Variants in CACNA2D3 observed in about 807,000 individuals in gnomAD.
CACNA2D3 encodes calcium voltage-gated channel auxiliary subunit alpha2delta 3, also known as voltage-dependent calcium channel subunit alpha-2/delta-3.
A neutral mutation model predicts 160.6 loss-of-function variants in CACNA2D3; 60 were observed. That is an observed-to-expected ratio of 0.37 (90% CI 0.30 to 0.46). The LOEUF is 0.46. Ranked by LOEUF, CACNA2D3 falls within the 20% of genes least tolerant of loss-of-function variation. CACNA2D3 has a pLI of 1.00. For missense variants in CACNA2D3, 1,205 were observed against 1,365.0 expected, an observed-to-expected ratio of 0.88 and a Z score of 1.85; for synonymous variants, 558 against 492.9, an observed-to-expected ratio of 1.13 and a Z score of -1.75.
intron 2 of CACNA2D3, among the ~76,000 whole-genome samples, chr3:54,278,932 A>G (rs1209239011): frequency 2.0e-5 from 3 of 152,156 alleles, no homozygotes; most frequent in Admixed American, 1.3e-4. Flanking sequence ...GTGTATACCT[A>G]TGTAACAAAC....
intron 35 of CACNA2D3, among the ~76,000 whole-genome samples, chr3:55,051,962 C>G (rs1704229968): frequency 6.6e-6 from 1 of 152,166 alleles, no homozygotes; most frequent in African/African-American, 2.4e-5. Context: ...CCCTGCTTCG[C>G]CTCGTGCACG....
chr3:54,914,582 C>T (rs1172400423), intron 27 of CACNA2D3, among the ~76,000 whole-genome samples: 4 of 152,008 alleles, frequency 2.6e-5, no homozygotes, highest in African/African-American at 9.7e-5. Context: ...GATTATATAT[C>T]AGTAAAAATA....
intron 4 of CACNA2D3, among the ~76,000 whole-genome samples, chr3:54,407,260 A>G (rs1242874068): frequency 6.6e-6 from 1 of 152,208 alleles, no homozygotes; most frequent in Non-Finnish European, 1.5e-5. Context: ...TCATAGAGAT[A>G]GGGAATTGGC....
intron 3 of CACNA2D3, among the ~76,000 whole-genome samples, chr3:54,354,414 A>AT (rs1375917517): frequency 1.3e-5 from 2 of 152,150 alleles, no homozygotes; most frequent in East Asian, 1.9e-4. Flanking sequence ...AGTATGAAGG[A>AT]TTTTTTTAAG....
At position 54,657,103 on chromosome 3, in the gene CACNA2D3, CAG is replaced by C. The variant is rs561899355; in HGVS notation, c.1167+14863_1167+14864del. Among the ~76,000 whole-genome samples, 6 of 148,416 alleles carry C rather than the reference CAG, an allele frequency of 4.0e-5. No individual in the cohort carries two copies. The Admixed American group carries it at 4.1e-4, about 10-fold the overall frequency. On this transcript the variant is annotated intron_variant, in intron 11 of 37. Coordinates refer to ENST00000474759, the MANE Select transcript of CACNA2D3 (RefSeq NM_018398.3). ...CAGGAGTGGGGGGTCACAGGGTACTCAGTGGGGGAGCTTTTGAGCCAGGATGA... is the reference window on the plus strand; with the variant it reads ...CAGGAGTGGGGGGTCACAGGGTACTCTGGGGGAGCTTTTGAGCCAGGATGA...
At chr3:54,318,704 T>G (rs1027242655) in intron 2 of CACNA2D3, among the ~76,000 whole-genome samples, 8 of 150,076 alleles carry the variant, frequency 5.3e-5, no homozygotes, top group Non-Finnish European at 8.9e-5. Context: ...TTTTTTTTTT[T>G]TTTTTTCTGA....
intron 4 of CACNA2D3, among the ~76,000 whole-genome samples, chr3:54,445,553 T>TACACACAC (rs1371255357): frequency 2.4e-4 from 8 of 32,986 alleles, no homozygotes; most frequent in East Asian, 2.0e-3. Flanking sequence ...TATTTCTATG[T>TACACACAC]ATACACACAC....
chr3:54,683,479 T>A (rs1244005698), intron 11 of CACNA2D3, among the ~76,000 whole-genome samples: 1 of 152,258 alleles, frequency 6.6e-6, no homozygotes, highest in South Asian at 2.1e-4. Flanking sequence ...TTGTTAGCCC[T>A]GTGACAGTGG....
chr3:54,735,651 A>G (rs1040263202), intron 11 of CACNA2D3, among the ~76,000 whole-genome samples: 5 of 152,042 alleles, frequency 3.3e-5, no homozygotes, highest in African/African-American at 1.2e-4. Context: ...TTCTACTCTT[A>G]AGCATCTGTA....
chr3:54,221,849 G>GA (rs886196801), intron 2 of CACNA2D3, among the ~76,000 whole-genome samples: 18 of 149,438 alleles, frequency 1.2e-4, no homozygotes, highest in Non-Finnish European at 2.4e-4. Context: ...TTTTTTTTCT[G>GA]AAAAAAAATA....
At chr3:54,863,918 G>T (rs1575517755) in intron 17 of CACNA2D3, among the ~76,000 whole-genome samples, 1 of 152,242 alleles carries the variant, frequency 6.6e-6, no homozygotes, top group East Asian at 1.9e-4. Flanking sequence ...CTTCCTGCTG[G>T]TTTTTGACAC....
chr3:55,002,999 C>T (rs1375714729), intron 31 of CACNA2D3, among the ~76,000 whole-genome samples: 1 of 152,188 alleles, frequency 6.6e-6, no homozygotes, highest in East Asian at 1.9e-4. Context: ...CCTTTTAAAA[C>T]TGAATGCCTT....
intron 4 of CACNA2D3, among the ~76,000 whole-genome samples, chr3:54,495,766 CAG>C (rs1701193401): frequency 6.6e-6 from 1 of 152,090 alleles, no homozygotes; most frequent in Admixed American, 6.5e-5. Flanking sequence ...AACAACCAAC[CAG>C]AGAGGGAAAT....
intron 11 of CACNA2D3, among the ~76,000 whole-genome samples, chr3:54,682,695 C>T (rs1026182972): frequency 6.6e-6 from 1 of 152,058 alleles, no homozygotes; most frequent in Non-Finnish European, 1.5e-5. Context: ...TTCAGAATGG[C>T]CTTTAAATAT....
intron 3 of CACNA2D3, among the ~76,000 whole-genome samples, chr3:54,346,132 T>G (rs953162886): frequency 6.6e-6 from 1 of 152,130 alleles, no homozygotes; most frequent in African/African-American, 2.4e-5. Context: ...AGTTGGGGTG[T>G]TGTTAGTTCA....
chr3:54,711,632 C>G (rs1176343834), intron 11 of CACNA2D3, among the ~76,000 whole-genome samples: 6 of 152,204 alleles, frequency 3.9e-5, no homozygotes, highest in African/African-American at 1.4e-4. Context: ...CCATGATTAA[C>G]ATAGACCAAT....
chr3:54,390,753 G>A (rs371415784), intron 4 of CACNA2D3, among the ~76,000 whole-genome samples: 7 of 152,274 alleles, frequency 4.6e-5, no homozygotes, highest in East Asian at 1.9e-4. Context: ...AACAGCTTGG[G>A]TGTCAGCCCC....
intron 4 of CACNA2D3, among the ~76,000 whole-genome samples, chr3:54,476,144 T>C (rs1700826939): frequency 6.7e-6 from 1 of 150,160 alleles, no homozygotes; most frequent in Non-Finnish European, 1.5e-5. Context: ...GTCCTCCTGG[T>C]TCGTCCGTGT....
At chr3:55,051,492 C>G (rs908776437) in intron 35 of CACNA2D3, among the ~76,000 whole-genome samples, 19 of 151,956 alleles carry the variant, frequency 1.3e-4, no homozygotes, top group African/African-American at 4.6e-4. Context: ...GCTGGGAGAA[C>G]CACTGCTCTC....
Sources: gnomAD v4.1 joint callset for allele counts (sites outside exome capture counted in the v4.1 genomes callset) on GRCh38, gnomAD v4.1.1 for gene constraint, MANE v1.5 for transcripts, NCBI Gene and HGNC (gene_info 2026-07-23, HGNC 2026-07-21) for gene names.